The following PPARGC1A variants were observed in gnomAD, a reference collection of about 807,000 sequenced individuals.
PPARGC1A encodes the protein PPARG coactivator 1 alpha.
A neutral mutation model predicts 88.7 loss-of-function variants in PPARGC1A; 25 were observed. The observed-to-expected ratio is 0.28, with a 90% CI of 0.21 to 0.39. The LOEUF (loss-of-function observed/expected upper bound fraction) is 0.39. Among genes scored for constraint, PPARGC1A ranks in the 10% least tolerant of loss-of-function variants. The probability of loss-of-function intolerance (pLI) is 1.00; values close to 1 mark genes in which losing one functional copy is unlikely to be tolerated. For synonymous variants in PPARGC1A, 363 were observed against 355.6 expected (o/e 1.02, Z -0.24); for missense variants, 880 against 968.7 (o/e 0.91, Z 1.22).
intron 3 of PPARGC1A, among the ~76,000 whole-genome samples, chr4:23,831,193 T>C (rs1182160507): frequency 1.3e-5 from 2 of 152,226 alleles, no homozygotes; most frequent in Non-Finnish European, 2.9e-5. Context: ...CTTGAAAGGA[T>C]ATTGCAATCA....
chr4:23,904,049 G>A, upstream of PPARGC1A: 1 of 983,200 alleles, frequency 1.0e-6, no homozygotes, highest in Non-Finnish European at 1.2e-6. Context: ...TCATTTTACT[G>A]CAGTGCAAAT....
At chr4:24,021,991 G>T in the PPARGC1A span, among the ~76,000 whole-genome samples, 2 of 152,164 alleles carry the variant, frequency 1.3e-5, no homozygotes, top group African/African-American at 2.4e-5. Flanking sequence ...TGGCCAGCAT[G>T]GGAGTGATGG....
chr4:24,396,459 T>C, the PPARGC1A span, among the ~76,000 whole-genome samples: 1 of 152,008 alleles, frequency 6.6e-6, no homozygotes, highest in Non-Finnish European at 1.5e-5. Context: ...ATAGCATCCT[T>C]CCTGTGGGTG....
chr4:24,347,743 G>T, the PPARGC1A span, among the ~76,000 whole-genome samples: 1 of 152,060 alleles, frequency 6.6e-6, no homozygotes, highest in Non-Finnish European at 1.5e-5. Context: ...GAGCATTTAG[G>T]CTATTTATAT....
At chr4:24,276,442 G>A in the PPARGC1A span, among the ~76,000 whole-genome samples, 2 of 152,122 alleles carry the variant, frequency 1.3e-5, no homozygotes, top group South Asian at 2.1e-4. Flanking sequence ...CTCAGACATC[G>A]AGGTCCTTGA....
At chr4:23,866,634 A>G (rs1271847841) in intron 2 of PPARGC1A, among the ~76,000 whole-genome samples, 1 of 152,232 alleles carries the variant, frequency 6.6e-6, no homozygotes, top group African/African-American at 2.4e-5. Context: ...TGCAATGCCG[A>G]AAGACTCTTA....
At chr4:24,427,286 T>A in the PPARGC1A span, among the ~76,000 whole-genome samples, 1,330 of 146,940 alleles carry the variant, frequency 9.1e-3, 14 homozygotes, top group African/African-American at 0.02. Context: ...TTATTTATTT[T>A]TTTTTTTTTT....
At chr4:24,337,519 G>T in the PPARGC1A span, among the ~76,000 whole-genome samples, 3 of 152,120 alleles carry the variant, frequency 2.0e-5, no homozygotes, top group Non-Finnish European at 4.4e-5. Flanking sequence ...GGCAGGCGTG[G>T]AGCGCTCCAG....
chr4:24,223,958 C>T, the PPARGC1A span, among the ~76,000 whole-genome samples: 12,066 of 152,188 alleles, frequency 0.079, 485 homozygotes, highest in South Asian at 0.094. Flanking sequence ...TTCTCTGAGA[C>T]GCAATTCCTA....
intron 10 of PPARGC1A, among the ~76,000 whole-genome samples, chr4:23,808,950 G>T (rs1720371870): frequency 6.8e-6 from 1 of 148,048 alleles, no homozygotes; most frequent in Admixed American, 6.7e-5. Context: ...ATTTCTGAAG[G>T]TTTTTTTTTT....
the PPARGC1A span, among the ~76,000 whole-genome samples, chr4:23,934,351 G>C: frequency 6.6e-6 from 1 of 152,212 alleles, no homozygotes; most frequent in Admixed American, 6.5e-5. Context: ...TGCTATGCAG[G>C]ATCAATGTTC....
At chr4:24,081,287 T>A in the PPARGC1A span, among the ~76,000 whole-genome samples, 79 of 152,200 alleles carry the variant, frequency 5.2e-4, no homozygotes, top group Middle Eastern at 3.4e-3. Flanking sequence ...ATTCACTGAA[T>A]AGTAAGGCAA....
At chr4:24,049,322 A>ATATATATATATATATGTG in the PPARGC1A span, among the ~76,000 whole-genome samples, 1 of 141,984 alleles carries the variant, frequency 7.0e-6, no homozygotes, top group Admixed American at 7.1e-5. Context: ...ATATATATAT[A>ATATATATATATATATGTG]TGTGTGTGTG....
the PPARGC1A span, among the ~76,000 whole-genome samples, chr4:24,003,820 A>ATTTTT: frequency 7.5e-5 from 11 of 146,798 alleles, no homozygotes; most frequent in African/African-American, 2.8e-4. Flanking sequence ...GATCAGATTG[A>ATTTTT]TTTTTTTTTT....
chr4:23,816,387 A>G (rs1721989363), intron 7 of PPARGC1A, among the ~76,000 whole-genome samples: 1 of 152,208 alleles, frequency 6.6e-6, no homozygotes, highest in Non-Finnish European at 1.5e-5. Flanking sequence ...ATAGATAAGT[A>G]TGTCTTTTAC....
the PPARGC1A span, among the ~76,000 whole-genome samples, chr4:24,461,998 G>C: frequency 6.6e-6 from 1 of 152,074 alleles, no homozygotes; most frequent in Admixed American, 6.5e-5. Context: ...AGGTGGGTGG[G>C]GCTCCACTTG....
chr4:24,464,748 C>T, the PPARGC1A span, among the ~76,000 whole-genome samples: 317 of 152,326 alleles, frequency 2.1e-3, no homozygotes, highest in African/African-American at 7.5e-3. Flanking sequence ...TAGAACTACA[C>T]ACCTGCTCTT....
At chr4:24,114,804 A>G in the PPARGC1A span, among the ~76,000 whole-genome samples, 1 of 152,208 alleles carries the variant, frequency 6.6e-6, no homozygotes, top group Admixed American at 6.5e-5. Flanking sequence ...GAGGTGAAAC[A>G]AGTTATAAAT....
chr4:23,802,202 A>C (rs1384392191), intron 11 of PPARGC1A, 22 bp downstream of exon 11: 5 of 1,613,854 alleles, frequency 3.1e-6, no homozygotes, highest in Non-Finnish European at 4.2e-6. Flanking sequence ...TCTAAACAAG[A>C]AATAATCTTG....
Sources: gnomAD v4.1 joint callset for allele counts (sites outside exome capture counted in the v4.1 genomes callset) on GRCh38, gnomAD v4.1.1 for gene constraint, MANE v1.5 for transcripts, NCBI Gene and HGNC (gene_info 2026-07-23, HGNC 2026-07-21) for gene names.